CCSER1: variants seen among roughly 807,000 people sequenced by gnomAD.
CCSER1 encodes coiled-coil serine rich protein 1.
Under a neutral mutation model 82.0 loss-of-function variants are expected in CCSER1, and 41 were observed. The ratio of observed to expected loss-of-function variants is 0.50; its 90% CI spans 0.39 to 0.65. CCSER1 has a LOEUF of 0.65. Ranked by LOEUF, CCSER1 falls within the 30% of genes least tolerant of loss-of-function variation. CCSER1 has a pLI of 0.00. For synonymous variants in CCSER1, 414 were observed against 383.9 expected, an observed-to-expected ratio of 1.08 and a Z score of -0.92; for missense variants, 1,119 against 1,064.2, an observed-to-expected ratio of 1.05 and a Z score of -0.72.
At chr4:90,854,675 C>A (rs1432298471) in intron 8 of CCSER1, among the ~76,000 whole-genome samples, 1 of 152,050 alleles carries the variant, frequency 6.6e-6, no homozygotes, top group Non-Finnish European at 1.5e-5. Context: ...GTGGATACAG[C>A]CTCCTTACCT....
At chr4:90,936,759 A>T (rs1205862564) in intron 9 of CCSER1, among the ~76,000 whole-genome samples, 1 of 152,148 alleles carries the variant, frequency 6.6e-6, no homozygotes, top group East Asian at 1.9e-4. Context: ...TGTCTTTCAC[A>T]TTCACTCAAC....
intron 10 of CCSER1, among the ~76,000 whole-genome samples, chr4:91,581,088 T>G (rs950329861): frequency 2.6e-5 from 4 of 151,640 alleles, no homozygotes; most frequent in African/African-American, 9.7e-5. Context: ...CCAACAGACC[T>G]CCTGGACAAT....
At chr4:91,091,131 A>C (rs1581531058) in intron 10 of CCSER1, among the ~76,000 whole-genome samples, 4 of 152,330 alleles carry the variant, frequency 2.6e-5, no homozygotes, top group Admixed American at 2.6e-4. Flanking sequence ...TAAAAGAGCC[A>C]CATCCTGCTC....
At chr4:91,265,844 C>T (rs77109619) in intron 10 of CCSER1, among the ~76,000 whole-genome samples, 5,666 of 152,154 alleles carry the variant, frequency 0.037, 149 homozygotes, top group African/African-American at 0.072. Context: ...TGCATTTTCA[C>T]ACTACTGATA....
intron 3 of CCSER1, among the ~76,000 whole-genome samples, chr4:90,392,393 T>G (rs532773895): frequency 5.3e-4 from 80 of 152,184 alleles, no homozygotes; most frequent in Non-Finnish European, 9.0e-4. Context: ...CAGCAAAGTA[T>G]TATAGCATAA....
intron 9 of CCSER1, among the ~76,000 whole-genome samples, chr4:90,939,941 T>A (rs576768177): frequency 1.3e-5 from 2 of 152,228 alleles, no homozygotes; most frequent in South Asian, 4.1e-4. Flanking sequence ...TTTCTTTTTA[T>A]TGTCTTATTT....
At chr4:91,361,232 A>T (rs956068280) in intron 10 of CCSER1, among the ~76,000 whole-genome samples, 1 of 151,824 alleles carries the variant, frequency 6.6e-6, no homozygotes, top group Non-Finnish European at 1.5e-5. Flanking sequence ...TATTCATTAA[A>T]TCTCAAAGGT....
At chr4:90,996,078 A>G (rs1737467282) in intron 9 of CCSER1, among the ~76,000 whole-genome samples, 1 of 152,126 alleles carries the variant, frequency 6.6e-6, no homozygotes, top group Non-Finnish European at 1.5e-5. Flanking sequence ...GCTATAAATA[A>G]TAAAAGGAAT....
chr4:90,645,440 A>T (rs1727389337), intron 6 of CCSER1, among the ~76,000 whole-genome samples: 1 of 152,302 alleles, frequency 6.6e-6, no homozygotes, highest in South Asian at 2.1e-4. Context: ...TCTTCTAAAC[A>T]ATTTCCTTTA....
intron 4 of CCSER1, among the ~76,000 whole-genome samples, chr4:90,428,792 T>C (rs1757874816): frequency 6.6e-6 from 1 of 151,838 alleles, no homozygotes; most frequent in African/African-American, 2.4e-5. Context: ...AAATATTAAG[T>C]AAACATTATG....
At chr4:90,574,903 A>C (rs1455454258) in intron 5 of CCSER1, among the ~76,000 whole-genome samples, 2 of 152,152 alleles carry the variant, frequency 1.3e-5, no homozygotes, top group African/African-American at 4.8e-5. Flanking sequence ...CTTATCATGC[A>C]GGAATCTACA....
At chr4:91,269,074 C>T (rs1741832026) in intron 10 of CCSER1, among the ~76,000 whole-genome samples, 1 of 152,250 alleles carries the variant, frequency 6.6e-6, no homozygotes, top group South Asian at 2.1e-4. Context: ...TTTAAAGGCA[C>T]TTTGGCCTTG....
chr4:91,065,509 C>A (rs993790244), intron 9 of CCSER1, among the ~76,000 whole-genome samples: 14 of 151,598 alleles, frequency 9.2e-5, no homozygotes, highest in African/African-American at 2.4e-4. Context: ...TATTTTCTAT[C>A]AAAAAAAATC....
chr4:90,400,821 A>G (rs1174407017), intron 4 of CCSER1, among the ~76,000 whole-genome samples: 1 of 152,198 alleles, frequency 6.6e-6, no homozygotes, highest in African/African-American at 2.4e-5. Flanking sequence ...ATTTGACAGC[A>G]AAAGTAAACA....
intron 1 of CCSER1, among the ~76,000 whole-genome samples, chr4:90,214,575 T>TC (rs1439652239): frequency 6.7e-6 from 1 of 150,166 alleles, no homozygotes; most frequent in Non-Finnish European, 1.5e-5. Context: ...GCTAGGTCAT[T>TC]ACAAGGCAAT....
chr4:90,184,645 G>T (rs1734290478), intron 1 of CCSER1, among the ~76,000 whole-genome samples: 1 of 152,062 alleles, frequency 6.6e-6, no homozygotes, highest in Non-Finnish European at 1.5e-5. Context: ...GTGAAAACTT[G>T]GTGCAATTGT....
chr4:91,209,021 G>A (rs562599098), intron 10 of CCSER1, among the ~76,000 whole-genome samples: 4 of 151,850 alleles, frequency 2.6e-5, no homozygotes, highest in African/African-American at 9.6e-5. Context: ...CTTGGGTGCT[G>A]TTAGTGTATA....
intron 6 of CCSER1, among the ~76,000 whole-genome samples, chr4:90,655,167 C>T (rs1452819546): frequency 1.3e-5 from 2 of 151,898 alleles, no homozygotes; most frequent in African/African-American, 4.8e-5. Flanking sequence ...ATTTGTTTCT[C>T]ATGTCAAATC....
chr4:90,153,469 C>A (rs1468234005), intron 1 of CCSER1, among the ~76,000 whole-genome samples: 1 of 152,070 alleles, frequency 6.6e-6, no homozygotes, highest in African/African-American at 2.4e-5. Flanking sequence ...ACACTGACTT[C>A]CACAATGGTT....
Sources: gnomAD v4.1 joint callset for allele counts (sites outside exome capture counted in the v4.1 genomes callset) on GRCh38, gnomAD v4.1.1 for gene constraint, MANE v1.5 for transcripts, NCBI Gene and HGNC (gene_info 2026-07-23, HGNC 2026-07-21) for gene names.